The following PUS7 variants were observed in gnomAD, a reference collection of about 807,000 sequenced individuals.
The protein encoded by PUS7 is pseudouridine synthase 7.
PUS7 carries 48 observed loss-of-function variants against 79.8 expected under a neutral mutation model. That is an observed-to-expected ratio of 0.60 (90% CI 0.48 to 0.76). The LOEUF (loss-of-function observed/expected upper bound fraction) is 0.76. Ranked by LOEUF, PUS7 falls within the 30% of genes least tolerant of loss-of-function variation. The pLI is 0.00. For synonymous variants in PUS7, 286 were observed against 272.2 expected, an observed-to-expected ratio of 1.05 and a Z score of -0.50; for missense variants, 729 against 797.6, an observed-to-expected ratio of 0.91 and a Z score of 1.04.
At chr7:105,489,633 TGAC>T (rs1026175555) in intron 7 of PUS7, among the ~76,000 whole-genome samples, 2 of 152,262 alleles carry the variant, frequency 1.3e-5, no homozygotes, top group Non-Finnish European at 2.9e-5. Flanking sequence ...ACTGCTTTTA[TGAC>T]ATCATGCCAC....
At chr7:105,474,051 C>G (rs1283987110) in intron 9 of PUS7, among the ~76,000 whole-genome samples, 3 of 152,026 alleles carry the variant, frequency 2.0e-5, no homozygotes, top group African/African-American at 4.8e-5. Context: ...GAAAGTTTTC[C>G]TTTAAGATTT....
chr7:105,485,762 C>T (rs1340197116), intron 7 of PUS7, among the ~76,000 whole-genome samples: 1 of 152,216 alleles, frequency 6.6e-6, no homozygotes, highest in Non-Finnish European at 1.5e-5. Context: ...CTCTATTCTA[C>T]CTAGTCATGT....
chr7:105,520,955 C>T (rs1826085077), intron 1 of PUS7, among the ~76,000 whole-genome samples: 1 of 151,722 alleles, frequency 6.6e-6, no homozygotes. Flanking sequence ...CTGCAGTGAG[C>T]GATGATCACG....
intron 5 of PUS7, among the ~76,000 whole-genome samples, chr7:105,501,296 G>C (rs1825237280): frequency 6.6e-6 from 1 of 152,020 alleles, no homozygotes; most frequent in African/African-American, 2.4e-5. Context: ...AGGAATAAAT[G>C]TTCATTAATA....
intron 4 of PUS7, among the ~76,000 whole-genome samples, chr7:105,504,884 G>A (rs753374645): frequency 2.0e-5 from 3 of 152,084 alleles, no homozygotes; most frequent in East Asian, 1.9e-4. Context: ...ACAAGGAGCA[G>A]ATAATGAATT....
intron 15 of PUS7, 118 bp from the exon 16 acceptor site, chr7:105,458,044 C>G: frequency 3.5e-6 from 4 of 1,131,282 alleles, no homozygotes; most frequent in Non-Finnish European, 4.8e-6. Context: ...GACTCCACTT[C>G]CTAGGGGGCC....
rs138599117 is a variant in PUS7 at position 105,468,611 on chromosome 7, G to A, written c.1399-148C>T. The A allele has an allele frequency of 0.01, 6,284 of 621,810 alleles. 250 individuals are homozygous for A. The East Asian group carries it at 0.11, about 11-fold the overall frequency. The allele number at this position is 621,810 out of a possible 1,614,324, so 38.5% of individuals were successfully genotyped here. A position where few individuals can be genotyped will look rare whatever the true frequency, so the allele number is the denominator to read the frequency against. On this transcript the variant is annotated intron_variant, in intron 11 of 15. Transcript: ENST00000469408. ...AGGCTCATTGTAGCCTCCACCTCCC[G>A]GGTTCAAGCAATTCTCCCACCTCAG...
At chr7:105,470,581 C>T in intron 11 of PUS7, 107 bp downstream of exon 11, 1 of 1,297,792 alleles carries the variant, frequency 7.7e-7, no homozygotes, top group African/African-American at 1.5e-5. Flanking sequence ...CCAAAGGATC[C>T]TTATTTACCT....
chr7:105,502,445 GTGGTAGGCTACAATGTATTTC>G lies in PUS7; in HGVS notation c.684_704del (p.Lys228_His235delinsAsn). 1 of 1,614,102 alleles carries G rather than the reference GTGGTAGGCTACAATGTATTTC, an allele frequency of 6.2e-7. No homozygotes were observed. Among genetic ancestry groups the G allele is most frequent in the Non-Finnish European group, 8.5e-7 (1 of 1,180,012 alleles). On this transcript the variant is annotated inframe_deletion, in exon 5 of 16. Transcript: ENST00000469408. ...TTGCCAAAGCCTTTTTCCCAGCTGC[GTGGTAGGCTACAATGTATTTC>G]TTCCCCTCCCTATCCTCTGTTTTTG...
chr7:105,505,018 T>TTTTTTTTTTTTTTTTTTTTTTGA (rs1562815532), intron 4 of PUS7, among the ~76,000 whole-genome samples: 7 of 150,246 alleles, frequency 4.7e-5, no homozygotes, highest in East Asian at 1.9e-4. Context: ...TTTTTTTTTT[T>TTTTTTTTTTTTTTTTTTTTTTGA]GATATGGAGT....
At chr7:105,485,240 T>C (rs188378774) in intron 7 of PUS7, among the ~76,000 whole-genome samples, 4 of 151,310 alleles carry the variant, frequency 2.6e-5, no homozygotes, top group African/African-American at 9.7e-5. Context: ...AGATGGAGTT[T>C]TGCTCTTTGC....
At chr7:105,505,758 G>A (rs922049406) in intron 4 of PUS7, among the ~76,000 whole-genome samples, 197 bp downstream of exon 4, 3 of 151,458 alleles carry the variant, frequency 2.0e-5, no homozygotes, top group Non-Finnish European at 4.4e-5. Flanking sequence ...ATGTAACTTT[G>A]GGGGGGGCTA....
At chr7:105,470,869 G>C in intron 10 of PUS7, 21 bp from the exon 11 acceptor site, 1 of 1,552,732 alleles carries the variant, frequency 6.4e-7, no homozygotes, top group Non-Finnish European at 8.8e-7. Context: ...AAAAAGCTAG[G>C]GTTAAATGAC....
chr7:105,462,554 AAAGTGAAGC>A, intron 14 of PUS7, 58 bp downstream of exon 14: 1 of 1,569,474 alleles, frequency 6.4e-7, no homozygotes, highest in Non-Finnish European at 8.7e-7. Context: ...GACTCTATAT[AAAGTGAAGC>A]AAAAGCTTAC....
chr7:105,512,292 CT>C (rs1825735724), intron 1 of PUS7, among the ~76,000 whole-genome samples: 1 of 151,972 alleles, frequency 6.6e-6, no homozygotes, highest in South Asian at 2.1e-4. Context: ...AGCATTTACT[CT>C]TTGTCCTGAA....
chr7:105,461,309 C>G (rs768628848), intron 14 of PUS7, among the ~76,000 whole-genome samples: 3 of 152,190 alleles, frequency 2.0e-5, no homozygotes, highest in Admixed American at 6.5e-5. Flanking sequence ...CTACACATTT[C>G]TTCAATAATT....
intron 6 of PUS7, 53 bp downstream of exon 6, chr7:105,495,089 A>G: frequency 9.7e-7 from 1 of 1,033,218 alleles, no homozygotes; most frequent in Non-Finnish European, 1.5e-6. Flanking sequence ...TGGAAAAAGG[A>G]ATATACGTTT....
intron 7 of PUS7, among the ~76,000 whole-genome samples, chr7:105,488,888 C>T (rs986267223): frequency 2.6e-5 from 4 of 152,142 alleles, no homozygotes; most frequent in African/African-American, 9.7e-5. Context: ...GTGGCTCACG[C>T]CTGTAATCCC....
intron 1 of PUS7, 95 bp downstream of exon 1, chr7:105,521,957 T>C (rs974840698): frequency 2.0e-5 from 3 of 152,268 alleles, no homozygotes; most frequent in Non-Finnish European, 2.9e-5. Flanking sequence ...GCCTTCCCAG[T>C]CCGCACTGCC....
Sources: allele counts gnomAD v4.1 joint callset (sites outside exome capture counted in the v4.1 genomes callset), GRCh38; gene constraint gnomAD v4.1.1; transcripts MANE v1.5; gene names NCBI Gene and HGNC (gene_info 2026-07-23, HGNC 2026-07-21).